TCHHL1: variants seen among roughly 807,000 people sequenced by gnomAD.
The protein encoded by TCHHL1 is trichohyalin-like protein 1.
A neutral mutation model predicts 3.5 loss-of-function variants in TCHHL1; 1 was observed. That is an observed-to-expected ratio of 0.29 (90% CI 0.10 to 1.36). The LOEUF (loss-of-function observed/expected upper bound fraction) is 1.36, where lower values mean the gene tolerates loss of function less well. Ranked by LOEUF, TCHHL1 falls within the 40% of genes most tolerant of loss-of-function variation. TCHHL1 has a pLI of 0.43. For missense variants in TCHHL1, 1,027 were observed against 1,032.8 expected (o/e 0.99, Z 0.08); for synonymous variants, 405 against 375.3 (o/e 1.08, Z -0.92).
Position 152,086,485 on chromosome 1 carries a change from G to A in TCHHL1, c.1197C>T (p.Ala399=), listed in dbSNP as rs1172522314. ...DERKERRGPE[A]HGTAGQKERD... ...GTTCTTTCTGCCCTGCTGTTCCATG[G>A]GCCTCAGGACCTCTCCTCTCTTTCC... Residue 399 remains alanine, a synonymous_variant, in exon 3 of 3, where the codon GCC becomes GCT. Transcript: ENST00000368806. The A allele has an allele frequency of 6.8e-6, 11 of 1,613,876 alleles. No homozygotes were observed. The highest frequency in any genetic ancestry group is 1.6e-4 in the Middle Eastern group (1 of 6,084).
Position 152,085,873 on chromosome 1 carries a change from T to C in TCHHL1, c.1809A>G (p.Lys603=). 6.2e-7 allele frequency: 1 copy of C among 1,614,186 alleles called. No individual in the cohort carries two copies. Among genetic ancestry groups the C allele is most frequent in the South Asian group, 1.1e-5 (1 of 91,086 alleles). Residue 603 remains lysine, a synonymous_variant, in exon 3 of 3, where the codon AAA becomes AAG. Coordinates refer to ENST00000368806, the MANE Select transcript of TCHHL1 (RefSeq NM_001008536.2). ...DTQRQGTPGE[K]NRALEAVVPA... ...GTACCACTGCCTCCAGAGCTCTGTT[T>C]TTCTCACCAGGTGTTCCCTGCCTCT...
In TCHHL1 at chr1:152,085,459, AGGTTCCTTTGTTTCAAGTTGTATCTTGAG is replaced by A; in HGVS notation, c.2194_2222del (p.Leu732CysfsTer8). ...TTTCATCTTCCTCCTCTGATGTTAC[AGGTTCCTTTGTTTCAAGTTGTATCTTGAG>A]GGAGGCTGAATTGTCCTCATCTAGA... On this transcript the variant is annotated frameshift_variant, in exon 3 of 3. Coordinates refer to ENST00000368806, the MANE Select transcript of TCHHL1 (RefSeq NM_001008536.2). LOFTEE classifies it low-confidence loss of function (END_TRUNC). 1.2e-6 allele frequency: 2 copies of A among 1,614,158 alleles called. No individual in the cohort carries two copies. Among genetic ancestry groups the A allele is most frequent in the Non-Finnish European group, 1.7e-6 (2 of 1,180,024 alleles).
At position 152,085,891 on chromosome 1, in the gene TCHHL1, C is replaced by T; in HGVS notation, c.1791G>A (p.Gln597=). 1 of 1,614,206 alleles carries T rather than the reference C, an allele frequency of 6.2e-7. No homozygotes were observed. The highest frequency in any genetic ancestry group is 1.7e-5 in the Admixed American group (1 of 60,024). ...CTCTGTTTTTCTCACCAGGTGTTCC[C>T]TGCCTCTGGGTATCTGGGTTATTAT... ...GHNNNPDTQR[Q]GTPGEKNRAL... is the part of the protein sequence containing the mutation. Residue 597 remains glutamine, a synonymous_variant, in exon 3 of 3, where the codon CAG becomes CAA. Transcript: ENST00000368806.
rs1557800741 is a variant in TCHHL1, at chr1:152,085,316, C to T, written c.2366G>A (p.Cys789Tyr). The change falls in exon 3 of 3, where the codon TGT (cysteine) becomes TAT (tyrosine). Residue 789 changes from cysteine (C) to tyrosine (Y), a missense_variant. Cys to Tyr is a radical substitution (Grantham distance 194, BLOSUM62 -2). Transcript: ENST00000368806. ...ATAGACTGCACCCCTCTCCACAGAA[C>T]AGGGCTCTTGGTCTCTCTGCATCTG... is the stretch of plus-strand genomic sequence containing the variant. ...EKQMQRDQEP[C>Y]SVERGAVYSS... 1 of 1,614,216 alleles carries T rather than the reference C, an allele frequency of 6.2e-7. No homozygotes were observed. Among genetic ancestry groups the T allele is most frequent in the East Asian group, 2.2e-5 (1 of 44,880 alleles).
Position 152,087,163 on chromosome 1 carries a change from A to G in TCHHL1, c.519T>C (p.Ser173=). ...GTTTGTTCTTAGGATCATTGTGTTC[A>G]GATGCTTCTCCTGGAAAGTTGTGAG... is the stretch of plus-strand genomic sequence containing the variant. ...AKTHNFPGEA[S]EHNDPKNKHL... Residue 173 remains serine (S), a synonymous_variant, in exon 3 of 3, where the codon TCT becomes TCC. Transcript: ENST00000368806. 6.2e-7 allele frequency: 1 copy of G among 1,614,132 alleles called. No homozygotes were observed. Among genetic ancestry groups the G allele is most frequent in the East Asian group, 2.2e-5 (1 of 44,884 alleles).
chr1:152,086,471 C>T lies in TCHHL1; in HGVS notation c.1211G>A (p.Gly404Glu), dbSNP rs750455919. 6 of 1,614,108 alleles carry T rather than the reference C, an allele frequency of 3.7e-6. No homozygotes were observed. The highest frequency in any genetic ancestry group is 4.5e-5 in the East Asian group (2 of 44,872). Residue 404 changes from glycine (G) to glutamate (E), a missense_variant, in exon 3 of 3, where the codon GGG (glycine) becomes GAG (glutamate). Around this residue, in one of 3 missense-constraint regions of TCHHL1, gnomAD observed 673 missense variants for 658.6 expected, o/e 1.02. Transcript: ENST00000368806. The part of the protein sequence containing the change: ...RRGPEAHGTA[G>E]QKERDRKTRP... Reference sequence around the variant, plus strand: ...AGTTTTTCTGTCACGTTCTTTCTGCCCTGCTGTTCCATGGGCCTCAGGACC... The same window carrying T: ...AGTTTTTCTGTCACGTTCTTTCTGCTCTGCTGTTCCATGGGCCTCAGGACC...
In TCHHL1 at chr1:152,085,385, T is replaced by C; in HGVS notation, c.2297A>G (p.Lys766Arg). 6.2e-7 allele frequency: 1 copy of C among 1,614,214 alleles called. No individual in the cohort carries two copies. Among genetic ancestry groups the C allele is most frequent in the Non-Finnish European group, 8.5e-7 (1 of 1,180,044 alleles). ...GGGGACTGAAGAATTGTGCTCTTTCTTGGCTGGACTTTTTTGGTCACCACC... is the reference window on the plus strand; with the variant it reads ...GGGGACTGAAGAATTGTGCTCTTTCCTGGCTGGACTTTTTTGGTCACCACC... ...GEGGDQKSPA[K>R]KEHNSSVPWS... The change falls in exon 3 of 3, where the codon AAG becomes AGG. Residue 766 changes from lysine (K) to arginine (R), a missense_variant. By Grantham distance (26) the Lys-to-Arg change is conservative. This residue lies in a region of TCHHL1 where 673 missense variants were observed against 658.6 expected (regional missense o/e 1.02). Coordinates refer to ENST00000368806, the MANE Select transcript of TCHHL1 (RefSeq NM_001008536.2).
Position 152,085,108 on chromosome 1 carries a change from T to C in TCHHL1, c.2574A>G (p.Pro858=), listed in dbSNP as rs1440675903. ...CATCAAGTGGAAGTCCCCTGGTATA[T>C]GGTTGTGATGCTTGGCTGTAGTTGA... ...VFFNYSQASQ[P]YTRGLPLDES... The change falls in exon 3 of 3, where the codon CCA becomes CCG. Residue 858 remains proline, a synonymous_variant. Transcript: ENST00000368806. 1 of 1,613,974 alleles carries C rather than the reference T, an allele frequency of 6.2e-7. No homozygotes were observed. The highest frequency in any genetic ancestry group is 8.5e-7 in the Non-Finnish European group (1 of 1,180,034).
In TCHHL1 at chr1:152,087,084, CTGT is replaced by C; in HGVS notation, c.595_597del (p.Thr199del). ...GTCTTAAGTTGGCCTTCATTGTCTT[CTGT>C]TGTTTGTATATCTTGAGCCACTTCC... On this transcript the variant is annotated inframe_deletion, in exon 3 of 3. Coordinates refer to ENST00000368806, the MANE Select transcript of TCHHL1 (RefSeq NM_001008536.2). 1 of 1,614,120 alleles carries C rather than the reference CTGT, an allele frequency of 6.2e-7. No homozygotes were observed. The highest frequency in any genetic ancestry group is 8.5e-7 in the Non-Finnish European group (1 of 1,180,022).
At position 152,088,164 on chromosome 1, in the gene TCHHL1, C is replaced by T; in HGVS notation, c.-20-1G>A. The T allele has an allele frequency of 1.3e-6, 2 of 1,534,240 alleles. No homozygotes were observed. Among genetic ancestry groups the T allele is most frequent in the Non-Finnish European group, 1.8e-6 (2 of 1,141,606 alleles). On this transcript the variant is annotated splice_acceptor_variant, in intron 1 of 2. Transcript: ENST00000368806. LOFTEE classifies it low-confidence loss of function (5UTR_SPLICE). Reference sequence around the variant, plus strand: ...GGCATCTTTACAAACTCAGGAGAGGCTGTGAGAAAGAATAAACAAAGCTCA... The same window carrying T: ...GGCATCTTTACAAACTCAGGAGAGGTTGTGAGAAAGAATAAACAAAGCTCA...
chr1:152,086,245 T>C lies in TCHHL1; in HGVS notation c.1437A>G (p.Ala479=), dbSNP rs1313257040. 1.2e-6 allele frequency: 2 copies of C among 1,614,132 alleles called. No individual in the cohort carries two copies. Among genetic ancestry groups the C allele is most frequent in the Non-Finnish European group, 1.7e-6 (2 of 1,180,058 alleles). ...AEHTKEGTAE[A]FVNSKNAPAA... is the part of the protein sequence containing the mutation. ...CAGGTGCGTTTTTGCTGTTCACAAATGCTTCTGCTGTGCCTTCTTTGGTGT... is the reference window on the plus strand; with the variant it reads ...CAGGTGCGTTTTTGCTGTTCACAAACGCTTCTGCTGTGCCTTCTTTGGTGT... Residue 479 remains alanine, a synonymous_variant, in exon 3 of 3, where the codon GCA becomes GCG. Coordinates refer to ENST00000368806, the MANE Select transcript of TCHHL1 (RefSeq NM_001008536.2).
In TCHHL1 at chr1:152,086,396, A is replaced by G; in HGVS notation, c.1286T>C (p.Leu429Pro). ...ATCTTTTGATTTTGATAATCCTTGG[A>G]GTTCCTGATACTTCCCATCCTGTGT... ...TQTQDGKYQE[L>P]QGLSKSKDAE... Residue 429 changes from leucine to proline, a missense_variant, in exon 3 of 3, where the codon CTC becomes CCC. By Grantham distance (98) the Leu-to-Pro change is moderately conservative. Coordinates refer to ENST00000368806, the MANE Select transcript of TCHHL1 (RefSeq NM_001008536.2). 1 of 1,614,070 alleles carries G rather than the reference A, an allele frequency of 6.2e-7. No homozygotes were observed. Among genetic ancestry groups the G allele is most frequent in the Middle Eastern group, 1.6e-4 (1 of 6,062 alleles).
Position 152,085,086 on chromosome 1 carries a change from C to G in TCHHL1, c.2596G>C (p.Asp866His), listed in dbSNP as rs1557800571. The change falls in exon 3 of 3, where the codon GAT becomes CAT. Residue 866 changes from aspartate (D) to histidine (H), a missense_variant. This residue lies in a region of TCHHL1 where 673 missense variants were observed against 658.6 expected (regional missense o/e 1.02). Coordinates refer to ENST00000368806, the MANE Select transcript of TCHHL1 (RefSeq NM_001008536.2). ...TCCTGTGCACCAGCAGGACTCTCAT[C>G]AAGTGGAAGTCCCCTGGTATATGGT... is the stretch of plus-strand genomic sequence containing the variant. ...SQPYTRGLPL[D>H]ESPAGAQETP... is the part of the protein sequence containing the mutation. 1 of 1,614,046 alleles carries G rather than the reference C, an allele frequency of 6.2e-7. No individual in the cohort carries two copies. The highest frequency in any genetic ancestry group is 8.5e-7 in the Non-Finnish European group (1 of 1,180,022).
chr1:152,085,750 A>C lies in TCHHL1; in HGVS notation c.1932T>G (p.Gly644=), dbSNP rs777276330. ...GGTGTCCATTGGGCTCCACAGCTGC[A>C]CCTGGGCCTTTGGTCCCTGGGCCTT... ...KNQGPGTKGP[G]AAVEPNGHPE... is the part of the protein sequence containing the mutation. The change falls in exon 3 of 3, where the codon GGT becomes GGG. Residue 644 remains glycine, a synonymous_variant. Coordinates refer to ENST00000368806, the MANE Select transcript of TCHHL1 (RefSeq NM_001008536.2). 6.2e-7 allele frequency: 1 copy of C among 1,613,940 alleles called. No individual in the cohort carries two copies. The highest frequency in any genetic ancestry group is 1.1e-5 in the South Asian group (1 of 91,062).
intron 1 of TCHHL1, among the ~76,000 whole-genome samples, chr1:152,088,640 A>T (rs1377235344): frequency 6.6e-6 from 1 of 152,114 alleles, no homozygotes; most frequent in East Asian, 1.9e-4. Flanking sequence ...ACACCAAGAA[A>T]ATTAACCCCT....
intron 2 of TCHHL1, 51 bp downstream of exon 2, chr1:152,087,955 T>C (rs750512417): frequency 2.0e-6 from 3 of 1,523,972 alleles, no homozygotes; most frequent in Non-Finnish European, 2.6e-6. Flanking sequence ...GCTTGGATTA[T>C]AAAGAAAGGG....
rs1657714750 is a variant in TCHHL1 at position 152,085,988 on chromosome 1, C to T, written c.1694G>A (p.Gly565Asp). The change falls in exon 3 of 3, where the codon GGT becomes GAT. Residue 565 changes from glycine (G) to aspartate (D), a missense_variant. Physicochemically the swap from Gly to Asp is moderately conservative, Grantham distance 94. Transcript: ENST00000368806. ...GGAGTCCCCTTGCACAGGCAGTTCACCTGTCTCTGAGCTGCTATTGCCTTC... is the reference window on the plus strand; with the variant it reads ...GGAGTCCCCTTGCACAGGCAGTTCATCTGTCTCTGAGCTGCTATTGCCTTC... ...SEEGNSSSETGELPVQGDSQS... is the reference protein window; with the variant it reads ...SEEGNSSSETDELPVQGDSQS... 1.9e-6 allele frequency: 3 copies of T among 1,614,226 alleles called. No individual in the cohort carries two copies. The highest frequency in any genetic ancestry group is 1.6e-4 in the Middle Eastern group (1 of 6,062).
chr1:152,088,119 G>A lies in TCHHL1; in HGVS notation c.25C>T (p.Leu9Phe). Reference sequence around the variant, plus strand: ...TTGTGGAATGTCTCAATTACACAGAGGACATTTCTCAGGAGCTGAGGCATC... The same window carrying A: ...TTGTGGAATGTCTCAATTACACAGAAGACATTTCTCAGGAGCTGAGGCATC... MPQLLRNV[L>F]CVIETFHKYA... The change falls in exon 2 of 3, where the codon CTC (leucine) becomes TTC (phenylalanine). Residue 9 changes from leucine (L) to phenylalanine (F), a missense_variant. By Grantham distance (22) the Leu-to-Phe change is conservative. Around this residue, in one of 3 missense-constraint regions of TCHHL1, gnomAD observed 338 missense variants for 335.9 expected, o/e 1.01. Transcript: ENST00000368806. 3 of 1,597,426 alleles carry A rather than the reference G, an allele frequency of 1.9e-6. No homozygotes were observed. The highest frequency in any genetic ancestry group is 2.6e-6 in the Non-Finnish European group (3 of 1,172,950).
rs752572108 is a variant in TCHHL1, at chr1:152,085,869, T to C, written c.1813A>G (p.Arg605Gly). The change falls in exon 3 of 3, where the codon AGA becomes GGA. Residue 605 changes from arginine to glycine, a missense_variant. Physicochemically the swap from Arg to Gly is moderately radical, Grantham distance 125 (BLOSUM62 -2). Transcript: ENST00000368806. ...QRQGTPGEKN[R>G]ALEAVVPAVR... ...GCTGGTACCACTGCCTCCAGAGCTC[T>C]GTTTTTCTCACCAGGTGTTCCCTGC... 2 of 1,614,220 alleles carry C rather than the reference T, an allele frequency of 1.2e-6. No homozygotes were observed. The highest frequency in any genetic ancestry group is 2.2e-5 in the South Asian group (2 of 91,084).
Sources: gnomAD v4.1 joint callset for allele counts (sites outside exome capture counted in the v4.1 genomes callset) on GRCh38, gnomAD v4.1.1 for gene constraint, gnomAD v4.1.1 regional missense constraint, MANE v1.5 for transcripts, NCBI Gene and HGNC (gene_info 2026-07-23, HGNC 2026-07-21) for gene names.